CRB2: variants seen among roughly 807,000 people sequenced by gnomAD.
CRB2 encodes crumbs cell polarity complex component 2, also known as protein crumbs homolog 2.
A neutral mutation model predicts 110.9 loss-of-function variants in CRB2; 85 were observed. That is an observed-to-expected ratio of 0.77 (90% CI 0.64 to 0.92). The LOEUF (loss-of-function observed/expected upper bound fraction) is 0.92. Ranked by LOEUF, CRB2 falls within the 40% of genes least tolerant of loss-of-function variation. The pLI, the probability that CRB2 is intolerant of heterozygous loss-of-function variation, is 0.00. For missense variants in CRB2, 1,843 were observed against 1,851.3 expected (o/e 1.00, Z 0.08); for synonymous variants, 907 against 831.0 (o/e 1.09, Z -1.57).
At chr9:123,355,329 T>G (rs892201953), upstream of CRB2, among the ~76,000 whole-genome samples, 2 of 152,042 alleles carry the variant, frequency 1.3e-5, no homozygotes, top group African/African-American at 4.8e-5. Flanking sequence ...GGGAGAGCAA[T>G]GCTTGCTTGG....
Position 123,372,275 on chromosome 9 carries a change from G to A in CRB2, c.2535G>A (p.Gln845=). 1 of 1,613,676 alleles carries A rather than the reference G, an allele frequency of 6.2e-7. No homozygotes were observed. The highest frequency in any genetic ancestry group is 8.5e-7 in the Non-Finnish European group (1 of 1,179,794). The change falls in exon 9 of 13, where the codon CAG becomes CAA. Residue 845 remains glutamine (Q), a synonymous_variant. Transcript: ENST00000373631. ...ANFTGPTCAQ[Q]LWCPGQPCLP... is the part of the protein sequence containing the mutation. ...TCACGGGGCCTACGTGTGCCCAGCAGCTGTGGTGTCCCGGCCAGCCCTGTC... is the reference window on the plus strand; with the variant it reads ...TCACGGGGCCTACGTGTGCCCAGCAACTGTGGTGTCCCGGCCAGCCCTGTC...
intron 6 of CRB2, 137 bp downstream of exon 6, chr9:123,367,823 C>T: frequency 1.6e-6 from 1 of 640,032 alleles, no homozygotes. Flanking sequence ...CAGGTGACCG[C>T]TGAGGGTGGC....
chr9:123,357,679 G>A (rs2041816128), intron 1 of CRB2, among the ~76,000 whole-genome samples: 1 of 152,112 alleles, frequency 6.6e-6, no homozygotes, highest in Admixed American at 6.5e-5. Context: ...AAGCACGTGA[G>A]ATCCCGGTCT....
intron 1 of CRB2, among the ~76,000 whole-genome samples, chr9:123,360,290 G>A (rs1279831575): frequency 2.6e-5 from 4 of 152,114 alleles, no homozygotes; most frequent in African/African-American, 4.8e-5. Context: ...GGGGAGGGGC[G>A]GGCGTCGGTT....
rs1365797926 is a variant in CRB2 at position 123,367,354 on chromosome 9, G to C, written c.937G>C (p.Glu313Gln). 1 of 1,599,940 alleles carries C rather than the reference G, an allele frequency of 6.3e-7. No homozygotes were observed. Among genetic ancestry groups the C allele is most frequent in the East Asian group, 2.2e-5 (1 of 44,822 alleles). The change falls in exon 5 of 13, where the codon GAG becomes CAG. Residue 313 changes from glutamate (E) to glutamine (Q), a missense_variant. Coordinates refer to ENST00000373631, the MANE Select transcript of CRB2 (RefSeq NM_173689.7). ...GFLCHCPPGF[E>Q]GADCGVEVDE... The stretch of plus-strand genomic sequence containing the variant: ...CCTGTGCCACTGCCCTCCTGGCTTT[G>C]AGGGTGAGCCCCTGCTGGGGAAGCG...
At chr9:123,356,702 G>T (rs140555570) in intron 1 of CRB2, among the ~76,000 whole-genome samples, 7 of 152,032 alleles carry the variant, frequency 4.6e-5, no homozygotes, top group Admixed American at 1.3e-4. Flanking sequence ...GGGACTTCTG[G>T]GTTTCTAGGG....
chr9:123,365,801 C>A, intron 2 of CRB2, 116 bp from the exon 3 acceptor site: 12 of 809,104 alleles, frequency 1.5e-5, no homozygotes, highest in East Asian at 3.6e-5. Context: ...CCACCACCAT[C>A]CGGCTCTGAA....
chr9:123,370,650 C>A lies in CRB2; in HGVS notation c.1597C>A (p.Leu533Ile). ...TGTGCTCCATCTAGCGACCCTGGAG[C>A]TACGGCTCTGGCATGAGGGCTGCCC... is the stretch of plus-strand genomic sequence containing the variant. Reference protein sequence around the residue: ...EVVLHLATLELRLWHEGCPAR... With the variant: ...EVVLHLATLEIRLWHEGCPAR... Residue 533 changes from leucine to isoleucine, a missense_variant, in exon 7 of 13, where the codon CTA becomes ATA. By Grantham distance (5) the Leu-to-Ile change is conservative. Transcript: ENST00000373631. 1 of 1,608,738 alleles carries A rather than the reference C, an allele frequency of 6.2e-7. No homozygotes were observed. The highest frequency in any genetic ancestry group is 1.1e-5 in the South Asian group (1 of 91,088).
At chr9:123,359,234 C>CA (rs897287902) in intron 1 of CRB2, among the ~76,000 whole-genome samples, 1 of 151,960 alleles carries the variant, frequency 6.6e-6, no homozygotes, top group Non-Finnish European at 1.5e-5. Context: ...TGCAAGCCTC[C>CA]ATGGTTATTC....
At position 123,367,649 on chromosome 9, in the gene CRB2, C is replaced by T. The variant is rs2041957230; in HGVS notation, c.1017C>T (p.Pro339=). Residue 339 remains proline (P), a synonymous_variant, in exon 6 of 13, where the codon CCC becomes CCT. Coordinates refer to ENST00000373631, the MANE Select transcript of CRB2 (RefSeq NM_173689.7). ...CLNGGHCQDL[P]NGFQCHCPDG... ...ACGGAGGCCACTGCCAGGACCTGCCCAATGGCTTCCAGTGTCACTGCCCAG... is the reference window on the plus strand; with the variant it reads ...ACGGAGGCCACTGCCAGGACCTGCCTAATGGCTTCCAGTGTCACTGCCCAG... 1.3e-6 allele frequency: 2 copies of T among 1,567,706 alleles called. No individual in the cohort carries two copies. The highest frequency in any genetic ancestry group is 1.7e-6 in the Non-Finnish European group (2 of 1,156,984).
At chr9:123,361,496 G>A (rs966472629) in intron 1 of CRB2, among the ~76,000 whole-genome samples, 1 of 152,086 alleles carries the variant, frequency 6.6e-6, no homozygotes, top group Non-Finnish European at 1.5e-5. Context: ...CTTATCTGGG[G>A]GGCTTCACCA....
rs750735887 is a variant in CRB2, at chr9:123,367,201, G to A, written c.784G>A (p.Glu262Lys). ...GYSGELCEVD[E>K]DECASSPCQH... ...CAGCGGCGAGCTGTGCGAGGTGGAC[G>A]AGGACGAGTGTGCATCGAGCCCCTG... The change falls in exon 5 of 13, where the codon GAG becomes AAG. Residue 262 changes from glutamate to lysine, a missense_variant. Coordinates refer to ENST00000373631, the MANE Select transcript of CRB2 (RefSeq NM_173689.7). 2.4e-5 allele frequency: 39 copies of A among 1,601,226 alleles called. No individual in the cohort carries two copies. The highest frequency in any genetic ancestry group is 3.1e-5 in the Non-Finnish European group (36 of 1,178,200).
intron 12 of CRB2, 56 bp downstream of exon 12, chr9:123,375,399 G>A: frequency 2.0e-6 from 3 of 1,514,368 alleles, no homozygotes; most frequent in South Asian, 2.6e-5. Flanking sequence ...CCCTTGGCGA[G>A]ATGCTGCTGG....
Position 123,377,085 on chromosome 9 carries a change from G to A in CRB2, c.*23G>A, listed in dbSNP as rs1434319507. On this transcript the variant is annotated 3_prime_UTR_variant, in exon 13 of 13. Transcript: ENST00000373631. The stretch of plus-strand genomic sequence containing the variant: ...TAGGCCAGCCTGGCTGCTGGCACCA[G>A]CACCTGGAGGTCCTGAATGGTTTCT... The A allele has an allele frequency of 6.6e-7, 1 of 1,509,002 alleles. No homozygotes were observed. Among genetic ancestry groups the A allele is most frequent in the Non-Finnish European group, 8.9e-7 (1 of 1,125,724 alleles). 93.5% of individuals were successfully genotyped at this position (1,509,002 alleles called of 1,614,324 possible).
At chr9:123,358,306 G>A (rs561649913) in intron 1 of CRB2, among the ~76,000 whole-genome samples, 7 of 152,212 alleles carry the variant, frequency 4.6e-5, no homozygotes, top group African/African-American at 1.4e-4. Context: ...TTGCCATGGA[G>A]AGGACCAAGC....
At chr9:123,374,514 C>A in intron 10 of CRB2, 65 bp from the exon 11 acceptor site, 2 of 1,205,708 alleles carry the variant, frequency 1.7e-6, no homozygotes, top group South Asian at 2.6e-5. Context: ...GGCCCACGGT[C>A]ACAGCGCTGG....
At position 123,375,277 on chromosome 9, in the gene CRB2, G is replaced by A; in HGVS notation, c.3567G>A (p.Arg1189=). ...CCTGCTTGAATGGGGGCACCTGCCG[G>A]GCAGCTGGAGGGGTGTCTGAATGTA... ...ANPCLNGGTC[R]AAGGVSECIC... is the part of the protein sequence containing the mutation. Residue 1189 remains arginine (R), a synonymous_variant, in exon 12 of 13, where the codon CGG becomes CGA. Coordinates refer to ENST00000373631, the MANE Select transcript of CRB2 (RefSeq NM_173689.7). 1.2e-6 allele frequency: 2 copies of A among 1,612,322 alleles called. No individual in the cohort carries two copies. Among genetic ancestry groups the A allele is most frequent in the Non-Finnish European group, 1.7e-6 (2 of 1,179,162 alleles).
Position 123,367,289 on chromosome 9 carries a change from C to T in CRB2, c.872C>T (p.Ala291Val), listed in dbSNP as rs1252966894. ...DPALYGGVQA[A>V]FPGAFSFRHA... The stretch of plus-strand genomic sequence containing the variant: ...GCCCTCTACGGGGGTGTCCAGGCCG[C>T]CTTCCCTGGCGCCTTCAGCTTCCGC... Residue 291 changes from alanine (A) to valine (V), a missense_variant, in exon 5 of 13, where the codon GCC (alanine) becomes GTC (valine). By Grantham distance (64) the Ala-to-Val change is moderately conservative (BLOSUM62 0). Transcript: ENST00000373631. The T allele has an allele frequency of 6.2e-7, 1 of 1,603,170 alleles. No individual in the cohort carries two copies. The highest frequency in any genetic ancestry group is 8.5e-7 in the Non-Finnish European group (1 of 1,179,084).
Position 123,370,202 on chromosome 9 carries a change from G to T in CRB2, c.1149G>T (p.Arg383Ser). Reference sequence around the variant, plus strand: ...ACACTGTGGCAGGCTATATCTGCAGGTGCCCAGAGACCTGGGGTGGGCGCG... The same window carrying T: ...ACACTGTGGCAGGCTATATCTGCAGTTGCCCAGAGACCTGGGGTGGGCGCG... ...CSDTVAGYIC[R>S]CPETWGGRDC... The change falls in exon 7 of 13, where the codon AGG becomes AGT. Residue 383 changes from arginine (R) to serine (S), a missense_variant. By Grantham distance (110) the Arg-to-Ser change is moderately radical. Coordinates refer to ENST00000373631, the MANE Select transcript of CRB2 (RefSeq NM_173689.7). The T allele has an allele frequency of 6.2e-7, 1 of 1,613,084 alleles. No homozygotes were observed.
Sources: allele counts gnomAD v4.1 joint callset (sites outside exome capture counted in the v4.1 genomes callset), GRCh38; gene constraint gnomAD v4.1.1; transcripts MANE v1.5; gene names NCBI Gene and HGNC (gene_info 2026-07-23, HGNC 2026-07-21).